Variants in FSTL5 observed in about 807,000 individuals in gnomAD.
The protein encoded by FSTL5 is follistatin like 5, also known as follistatin-related protein 5.
In FSTL5, 62 loss-of-function variants were observed where a neutral mutation model predicts 89.1. That is an observed-to-expected ratio of 0.70 (90% CI 0.57 to 0.86). The LOEUF is 0.86. Ranked by LOEUF, FSTL5 falls within the 40% of genes least tolerant of loss-of-function variation. FSTL5 has a pLI of 0.00. For synonymous variants in FSTL5, 383 were observed against 346.2 expected, an observed-to-expected ratio of 1.11 and a Z score of -1.18; for missense variants, 1,057 against 1,001.6, an observed-to-expected ratio of 1.06 and a Z score of -0.75.
chr4:161,408,629 C>T (rs754772080), intron 15 of FSTL5, among the ~76,000 whole-genome samples: 10 of 152,088 alleles, frequency 6.6e-5, no homozygotes, highest in Non-Finnish European at 1.0e-4. Flanking sequence ...CAAGAAAGCT[C>T]ATTGAGATCA....
intron 5 of FSTL5, 39 bp from the exon 6 acceptor site, chr4:161,759,570 T>C (rs1740710771): frequency 8.2e-7 from 1 of 1,220,560 alleles, no homozygotes; most frequent in South Asian, 1.7e-5. Context: ...TAGATTTGTG[T>C]CTTAAAATTT....
intron 1 of FSTL5, among the ~76,000 whole-genome samples, chr4:162,160,493 A>AT (rs79794239): frequency 6.6e-6 from 1 of 151,230 alleles, no homozygotes; most frequent in Non-Finnish European, 1.5e-5. Context: ...AACAGGAAAT[A>AT]TTTTTTTCTA....
chr4:161,828,531 G>C (rs1730739102), intron 4 of FSTL5, among the ~76,000 whole-genome samples: 1 of 152,072 alleles, frequency 6.6e-6, no homozygotes, highest in African/African-American at 2.4e-5. Context: ...ATCATATTAA[G>C]ATTCATATTT....
At chr4:161,430,682 G>A (rs533783581) in intron 15 of FSTL5, among the ~76,000 whole-genome samples, 4 of 152,208 alleles carry the variant, frequency 2.6e-5, no homozygotes, top group Non-Finnish European at 5.9e-5. Context: ...GGAGCTTGCA[G>A]TGAGCCAAGA....
chr4:161,711,770 T>C (rs1390387889), intron 6 of FSTL5, among the ~76,000 whole-genome samples: 1 of 152,146 alleles, frequency 6.6e-6, no homozygotes, highest in African/African-American at 2.4e-5. Flanking sequence ...TAAAGATGAT[T>C]ATATGTTATG....
intron 2 of FSTL5, among the ~76,000 whole-genome samples, chr4:162,056,029 A>T (rs1197893046): frequency 3.9e-5 from 6 of 151,972 alleles, no homozygotes; most frequent in African/African-American, 1.2e-4. Flanking sequence ...ACCAAAGAGT[A>T]AGAAATAATT....
intron 4 of FSTL5, among the ~76,000 whole-genome samples, chr4:161,831,743 C>T (rs1730852290): frequency 6.6e-6 from 1 of 151,604 alleles, no homozygotes; most frequent in Admixed American, 6.6e-5. Flanking sequence ...CATTAAATAA[C>T]TTCTGTTGTA....
intron 8 of FSTL5, among the ~76,000 whole-genome samples, chr4:161,565,382 T>A (rs1174331250): frequency 6.6e-6 from 1 of 151,918 alleles, no homozygotes; most frequent in Admixed American, 6.6e-5. Context: ...CTTAATGTAA[T>A]CTCAATAAAT....
chr4:161,833,188 G>T (rs1730907297), intron 4 of FSTL5, among the ~76,000 whole-genome samples: 2 of 151,924 alleles, frequency 1.3e-5, no homozygotes, highest in African/African-American at 4.8e-5. Context: ...TAGTTGAGCG[G>T]TTTTGAGTGA....
intron 3 of FSTL5, among the ~76,000 whole-genome samples, chr4:161,924,739 G>A (rs1044071461): frequency 4.0e-5 from 6 of 151,644 alleles, no homozygotes; most frequent in African/African-American, 1.2e-4. Flanking sequence ...GGATATACAG[G>A]GCATGGAATA....
At chr4:161,610,370 A>G (rs1734592221) in intron 7 of FSTL5, among the ~76,000 whole-genome samples, 1 of 152,188 alleles carries the variant, frequency 6.6e-6, no homozygotes, top group Non-Finnish European at 1.5e-5. Flanking sequence ...TTAGTCAAAA[A>G]TGGCACACCA....
intron 1 of FSTL5, among the ~76,000 whole-genome samples, chr4:162,147,786 G>A (rs1353270426): frequency 6.6e-6 from 1 of 152,098 alleles, no homozygotes; most frequent in Non-Finnish European, 1.5e-5. Flanking sequence ...GCTGAGGTGG[G>A]TGGATCAAGA....
At chr4:161,442,349 A>G (rs569552297) in intron 15 of FSTL5, among the ~76,000 whole-genome samples, 97 of 152,212 alleles carry the variant, frequency 6.4e-4, no homozygotes, top group Non-Finnish European at 1.1e-3. Flanking sequence ...GGCCCCATCA[A>G]TAACTGTTAT....
At chr4:161,795,317 T>C (rs60397471) in intron 4 of FSTL5, among the ~76,000 whole-genome samples, 5 of 152,004 alleles carry the variant, frequency 3.3e-5, no homozygotes, top group Admixed American at 1.3e-4. Context: ...TTATTTAAAA[T>C]GGCACTAAAT....
chr4:162,025,307 T>G (rs1341175234), intron 3 of FSTL5, among the ~76,000 whole-genome samples: 1 of 152,172 alleles, frequency 6.6e-6, no homozygotes, highest in Non-Finnish European at 1.5e-5. Context: ...AAATTGAGGC[T>G]TTTGATAAAT....
intron 7 of FSTL5, among the ~76,000 whole-genome samples, chr4:161,601,567 A>G (rs762155429): frequency 6.6e-6 from 1 of 152,094 alleles, no homozygotes; most frequent in African/African-American, 2.4e-5. Flanking sequence ...GTCTGGCACC[A>G]CCCATGCTTG....
At chr4:161,889,852 C>A (rs1284259895) in intron 4 of FSTL5, among the ~76,000 whole-genome samples, 1 of 152,126 alleles carries the variant, frequency 6.6e-6, no homozygotes, top group Non-Finnish European at 1.5e-5. Context: ...CTCTAATAAA[C>A]ATTCTATGTT....
chr4:161,849,968 A>C (rs1213073137), intron 4 of FSTL5, among the ~76,000 whole-genome samples: 1 of 152,198 alleles, frequency 6.6e-6, no homozygotes, highest in Admixed American at 6.5e-5. Context: ...TTTATGTCTT[A>C]ACAAATAAGT....
intron 6 of FSTL5, among the ~76,000 whole-genome samples, chr4:161,661,965 G>T (rs550452069): frequency 6.6e-6 from 1 of 152,244 alleles, no homozygotes; most frequent in East Asian, 1.9e-4. Context: ...GAAGAGAACT[G>T]TAACTCAGAG....
Sources: gnomAD v4.1 joint callset for allele counts (sites outside exome capture counted in the v4.1 genomes callset) on GRCh38, gnomAD v4.1.1 for gene constraint, MANE v1.5 for transcripts, NCBI Gene and HGNC (gene_info 2026-07-23, HGNC 2026-07-21) for gene names.